POLQ: variants seen among roughly 807,000 people sequenced by gnomAD.
The protein encoded by POLQ is DNA polymerase theta.
POLQ carries 233 observed loss-of-function variants against 259.2 expected under a neutral mutation model. The ratio of observed to expected loss-of-function variants is 0.90; its 90% CI spans 0.81 to 1.00. The LOEUF (loss-of-function observed/expected upper bound fraction) is 1.00, where lower values mean the gene tolerates loss of function less well. Ranked by LOEUF, POLQ falls within the 50% of genes least tolerant of loss-of-function variation. The pLI, the probability that POLQ is intolerant of heterozygous loss-of-function variation, is 0.00. For missense variants in POLQ, 2,871 were observed against 3,051.6 expected (o/e 0.94, Z 1.39); for synonymous variants, 1,025 against 1,048.8 (o/e 0.98, Z 0.44).
chr3:121,447,151 G>T (rs941969806), intron 26 of POLQ, among the ~76,000 whole-genome samples: 1 of 147,530 alleles, frequency 6.8e-6, no homozygotes, highest in Admixed American at 6.9e-5. Flanking sequence ...CATGAGACTT[G>T]CAAATAATGT....
At chr3:121,437,414 A>C (rs2047552606) in intron 27 of POLQ, among the ~76,000 whole-genome samples, 1 of 152,242 alleles carries the variant, frequency 6.6e-6, no homozygotes, top group South Asian at 2.1e-4. Context: ...AAATAACTAA[A>C]TGGCTAATAC....
At chr3:121,494,569 G>T in intron 14 of POLQ, 1 of 1,580,656 alleles carries the variant, frequency 6.3e-7, no homozygotes. Flanking sequence ...AAGCTCAGCT[G>T]GTGGTGATTG....
intron 16 of POLQ, among the ~76,000 whole-genome samples, chr3:121,486,893 C>CAGAGAGAGAG (rs3045624): frequency 2.8e-5 from 4 of 140,392 alleles, no homozygotes; most frequent in Non-Finnish European, 6.2e-5. Context: ...GAAAGAGAGA[C>CAGAGAGAGAG]AGAGAGAGAG....
Position 121,509,578 on chromosome 3 carries a change from G to T in POLQ, c.1942C>A (p.Leu648Ile). 6.2e-7 allele frequency: 1 copy of T among 1,612,036 alleles called. No homozygotes were observed. Among genetic ancestry groups the T allele is most frequent in the South Asian group, 1.1e-5 (1 of 90,634 alleles). ...AMKGFVLEND[L>I]HILYLVTPMF... ...GAACTTACCAGATAGAGAATATGAA[G>T]ATCATTCTCTAAAACAAAGCCCTTC... Residue 648 changes from leucine (L) to isoleucine (I), a missense_variant, in exon 12 of 30, where the codon CTT (leucine) becomes ATT (isoleucine). By Grantham distance (5) the Leu-to-Ile change is conservative. Transcript: ENST00000264233.
At chr3:121,472,661 A>G (rs1336973749) in intron 21 of POLQ, among the ~76,000 whole-genome samples, 1 of 152,178 alleles carries the variant, frequency 6.6e-6, no homozygotes, top group Admixed American at 6.5e-5. Context: ...TGTGAGTAAA[A>G]GGGCCAGTGA....
chr3:121,466,630 C>T (rs1344101620), intron 24 of POLQ, among the ~76,000 whole-genome samples: 4 of 150,258 alleles, frequency 2.7e-5, no homozygotes, highest in Non-Finnish European at 5.9e-5. Context: ...GCAGAGGTTG[C>T]GCTGAGCCGA....
chr3:121,510,662 T>A (rs1373363750), intron 10 of POLQ, among the ~76,000 whole-genome samples: 1 of 152,248 alleles, frequency 6.6e-6, no homozygotes, highest in Non-Finnish European at 1.5e-5. Context: ...CTCATTTTTT[T>A]AAATGTTCTT....
intron 9 of POLQ, among the ~76,000 whole-genome samples, chr3:121,514,184 C>G (rs367672495): frequency 6.7e-6 from 1 of 148,818 alleles, no homozygotes; most frequent in African/African-American, 2.5e-5. Context: ...CAAAATTAGC[C>G]AGGCATGATG....
intron 25 of POLQ, among the ~76,000 whole-genome samples, chr3:121,453,244 C>T (rs1256045403): frequency 2.1e-4 from 32 of 152,132 alleles, no homozygotes; most frequent in Admixed American, 2.1e-3. Context: ...ATCTGTACAT[C>T]ACCATCATCA....
At chr3:121,439,631 T>C (rs1225528269) in intron 27 of POLQ, among the ~76,000 whole-genome samples, 1 of 152,220 alleles carries the variant, frequency 6.6e-6, no homozygotes, top group African/African-American at 2.4e-5. Context: ...CAATTTGGTA[T>C]GATATGATAA....
At chr3:121,475,672 A>G (rs1028162382) in intron 20 of POLQ, among the ~76,000 whole-genome samples, 3 of 152,226 alleles carry the variant, frequency 2.0e-5, no homozygotes, top group African/African-American at 7.2e-5. Flanking sequence ...GAAACTTCAC[A>G]TACAAACTAC....
intron 12 of POLQ, among the ~76,000 whole-genome samples, chr3:121,503,462 C>T (rs760535766): frequency 2.0e-5 from 3 of 152,030 alleles, no homozygotes; most frequent in Admixed American, 6.6e-5. Flanking sequence ...CTGAGAATAC[C>T]GACTGTAGTT....
intron 4 of POLQ, 132 bp downstream of exon 4, chr3:121,539,301 C>T: frequency 1.5e-6 from 1 of 672,784 alleles, no homozygotes; most frequent in Non-Finnish European, 2.5e-6. Flanking sequence ...ATTACAGATG[C>T]CAATCCTTGC....
At position 121,496,698 on chromosome 3, in the gene POLQ, T is replaced by A; in HGVS notation, c.2278+110A>T. ...TGATGACAAGAACTGTACAAAGTTT[T>A]AGCACTTTTAAAGAAGCCTACAATA... is the stretch of plus-strand genomic sequence containing the variant. On this transcript the variant is annotated intron_variant, in intron 14 of 29. Transcript: ENST00000264233. 7.1e-6 allele frequency: 8 copies of A among 1,119,740 alleles called. No individual in the cohort carries two copies. The South Asian group carries it at 9.2e-5, about 13-fold the overall frequency. 69.4% of individuals were successfully genotyped at this position (1,119,740 alleles called of 1,614,324 possible). A position where few individuals can be genotyped will look rare whatever the true frequency, so the allele number is the denominator to read the frequency against.
At chr3:121,506,895 A>C (rs2048212952) in intron 12 of POLQ, among the ~76,000 whole-genome samples, 1 of 152,060 alleles carries the variant, frequency 6.6e-6, no homozygotes, top group African/African-American at 2.4e-5. Flanking sequence ...ACAACGGTAC[A>C]TCCACCTACA....
chr3:121,474,616 C>A (rs2047911577), intron 20 of POLQ, among the ~76,000 whole-genome samples: 1 of 152,108 alleles, frequency 6.6e-6, no homozygotes, highest in Admixed American at 6.6e-5. Context: ...GGAAGATAAT[C>A]CCTGTACTTC....
chr3:121,506,300 A>AACAAAG (rs1264634476), intron 12 of POLQ, among the ~76,000 whole-genome samples: 2 of 151,924 alleles, frequency 1.3e-5, no homozygotes, highest in Non-Finnish European at 2.9e-5. Flanking sequence ...CAAAAACAAA[A>AACAAAG]AAACACACAC....
At chr3:121,531,695 A>C (rs916857358) in intron 6 of POLQ, among the ~76,000 whole-genome samples, 1 of 152,244 alleles carries the variant, frequency 6.6e-6, no homozygotes, top group Non-Finnish European at 1.5e-5. Context: ...TATTTCAATA[A>C]TCCAGGTAAG....
chr3:121,487,453 G>A lies in POLQ; in HGVS notation c.5478C>T (p.Ser1826=). Residue 1826 remains serine, a synonymous_variant, in exon 16 of 30, where the codon TCC becomes TCT. Transcript: ENST00000264233. ...TTTGGTCACTTGCTACATCAATTAT[G>A]GACAAACTTTCTGAACTGCTTGAGG... The part of the protein sequence containing the change: ...TPASSSSESL[S]IIDVASDQNL... 6.2e-7 allele frequency: 1 copy of A among 1,613,962 alleles called. No homozygotes were observed. The highest frequency in any genetic ancestry group is 1.1e-5 in the South Asian group (1 of 91,074).
Sources: allele counts gnomAD v4.1 joint callset (sites outside exome capture counted in the v4.1 genomes callset), GRCh38; gene constraint gnomAD v4.1.1; transcripts MANE v1.5; gene names NCBI Gene and HGNC (gene_info 2026-07-23, HGNC 2026-07-21).